Variants in NTRK3 observed in about 807,000 individuals in gnomAD.
The protein encoded by NTRK3 is neurotrophic receptor tyrosine kinase 3, also known as NT-3 growth factor receptor.
In NTRK3, 24 loss-of-function variants were observed where a neutral mutation model predicts 91.7. The ratio of observed to expected loss-of-function variants is 0.26; its 90% confidence interval spans 0.19 to 0.37. The LOEUF (loss-of-function observed/expected upper bound fraction) is 0.37, where lower values mean the gene tolerates loss of function less well. NTRK3 is among the 10% of genes least tolerant of loss of function. NTRK3 has a pLI of 1.00. For missense variants in NTRK3, 880 were observed against 1,068.9 expected (o/e 0.82, Z 2.46); for synonymous variants, 483 against 404.0 (o/e 1.20, Z -2.34).
chr15:88,005,732 C>A (rs2076439852), intron 14 of NTRK3, among the ~76,000 whole-genome samples: 1 of 152,122 alleles, frequency 6.6e-6, no homozygotes, highest in Admixed American at 6.5e-5. Context: ...CCAAAATAAG[C>A]CTGAGACCCT....
intron 13 of NTRK3, among the ~76,000 whole-genome samples, chr15:88,043,261 G>GAGTA (rs1351491988): frequency 6.6e-6 from 1 of 152,192 alleles, no homozygotes; most frequent in Non-Finnish European, 1.5e-5. Flanking sequence ...AACAGGAAGT[G>GAGTA]AGTAGTTACC....
At position 88,225,217 on chromosome 15, in the gene NTRK3, C is replaced by T. The variant is rs928681771; in HGVS notation, c.248+30689G>A. Among the ~76,000 whole-genome samples, 3 of 152,296 alleles carry T rather than the reference C, an allele frequency of 2.0e-5. No individual in the cohort carries two copies. The East Asian group carries it at 5.8e-4, about 29-fold the overall frequency. On this transcript the variant is annotated intron_variant, in intron 3 of 18. Transcript: ENST00000394480. Reference sequence around the variant, plus strand: ...GTCAAGGCACCCCAGTGGATCTCTACCCCTGTGCTGCTGGGTTTGCTTTCC... The same window carrying T: ...GTCAAGGCACCCCAGTGGATCTCTATCCCTGTGCTGCTGGGTTTGCTTTCC...
chr15:88,001,094 A>C (rs2076066623), intron 14 of NTRK3, among the ~76,000 whole-genome samples: 2 of 152,138 alleles, frequency 1.3e-5, no homozygotes, highest in Non-Finnish European at 2.9e-5. Context: ...TTCCCTAATG[A>C]CTAATTATAA....
chr15:87,920,435 G>A (rs951773874), intron 17 of NTRK3, among the ~76,000 whole-genome samples: 1 of 152,114 alleles, frequency 6.6e-6, no homozygotes, highest in African/African-American at 2.4e-5. Flanking sequence ...TCCAGTCTGT[G>A]GCCACGTCTC....
intron 13 of NTRK3, among the ~76,000 whole-genome samples, chr15:88,050,243 G>A (rs1220446589): frequency 2.0e-5 from 3 of 152,062 alleles, no homozygotes; most frequent in Non-Finnish European, 4.4e-5. Context: ...CCAGGCTATA[G>A]GGGAAAACTA....
chr15:88,055,385 G>A (rs1425062591), intron 13 of NTRK3, among the ~76,000 whole-genome samples: 1 of 152,148 alleles, frequency 6.6e-6, no homozygotes, highest in African/African-American at 2.4e-5. Flanking sequence ...CCAATTTTTG[G>A]ACTGGACTCA....
At chr15:87,919,631 C>T (rs927687098) in intron 17 of NTRK3, among the ~76,000 whole-genome samples, 1 of 152,160 alleles carries the variant, frequency 6.6e-6, no homozygotes, top group Non-Finnish European at 1.5e-5. Context: ...ATTAGATAAT[C>T]CTCATCCTTG....
At chr15:87,891,274 T>C (rs2065847834) in intron 17 of NTRK3, among the ~76,000 whole-genome samples, 1 of 152,240 alleles carries the variant, frequency 6.6e-6, no homozygotes, top group Non-Finnish European at 1.5e-5. Flanking sequence ...AAGTCATTTG[T>C]AGTAGCTCCT....
intron 5 of NTRK3, among the ~76,000 whole-genome samples, chr15:88,183,206 G>C (rs778987601): frequency 2.3e-4 from 35 of 152,084 alleles, no homozygotes; most frequent in Non-Finnish European, 4.4e-4. Flanking sequence ...TCAGCCCCTG[G>C]TCCTAGATTT....
chr15:87,924,581 T>C (rs778551000), intron 17 of NTRK3, among the ~76,000 whole-genome samples: 1 of 152,184 alleles, frequency 6.6e-6, no homozygotes, highest in Non-Finnish European at 1.5e-5. Context: ...CTCGTTTGCC[T>C]CTTCTGAACA....
chr15:88,135,470 A>C, intron 9 of NTRK3, 73 bp from the exon 10 acceptor site: 1 of 1,524,496 alleles, frequency 6.6e-7, no homozygotes, highest in Non-Finnish European at 8.9e-7. Flanking sequence ...TCCAGCAACT[A>C]AAATGGGAAT....
intron 13 of NTRK3, among the ~76,000 whole-genome samples, chr15:88,052,089 C>T (rs2080880782): frequency 6.6e-6 from 1 of 152,206 alleles, no homozygotes; most frequent in African/African-American, 2.4e-5. Flanking sequence ...TAAAGGACAA[C>T]CCTGTTAACT....
At chr15:87,957,354 C>T (rs1596400122) in intron 14 of NTRK3, among the ~76,000 whole-genome samples, 1 of 150,620 alleles carries the variant, frequency 6.6e-6, no homozygotes, top group Non-Finnish European at 1.5e-5. Context: ...TACAGTCCCA[C>T]AGCGGGAGCA....
chr15:87,994,892 T>C (rs183055355), intron 14 of NTRK3, among the ~76,000 whole-genome samples: 29 of 152,232 alleles, frequency 1.9e-4, no homozygotes, highest in African/African-American at 6.0e-4. Flanking sequence ...TATGGATCAA[T>C]AGATAGAGAT....
intron 17 of NTRK3, among the ~76,000 whole-genome samples, chr15:87,923,842 G>T (rs1447082668): frequency 1.3e-5 from 2 of 152,022 alleles, no homozygotes; most frequent in Non-Finnish European, 2.9e-5. Flanking sequence ...CACAAGAGCG[G>T]GTTTACTATA....
At chr15:88,107,816 A>C (rs1329264362) in intron 13 of NTRK3, among the ~76,000 whole-genome samples, 2 of 152,126 alleles carry the variant, frequency 1.3e-5, no homozygotes, top group Non-Finnish European at 2.9e-5. Flanking sequence ...TACTATCATC[A>C]CTAAGTCCCA....
intron 5 of NTRK3, among the ~76,000 whole-genome samples, chr15:88,170,408 C>T (rs1302045430): frequency 6.6e-6 from 1 of 152,208 alleles, no homozygotes; most frequent in Non-Finnish European, 1.5e-5. Context: ...AGTTTTCCTG[C>T]AGTCCAGTGC....
chr15:88,203,050 C>T (rs1361073857), intron 3 of NTRK3, among the ~76,000 whole-genome samples: 1 of 152,204 alleles, frequency 6.6e-6, no homozygotes, highest in Non-Finnish European at 1.5e-5. Context: ...TGAGAGCTTT[C>T]TCTGGAGTGG....
intron 13 of NTRK3, among the ~76,000 whole-genome samples, chr15:88,119,719 G>T (rs1173709352): frequency 1.3e-5 from 2 of 152,186 alleles, no homozygotes; most frequent in Non-Finnish European, 2.9e-5. Context: ...GAGGAGCAAA[G>T]AATGGACACA....
Sources: allele counts gnomAD v4.1 joint callset (sites outside exome capture counted in the v4.1 genomes callset), GRCh38; gene constraint gnomAD v4.1.1; transcripts MANE v1.5; gene names NCBI Gene and HGNC (gene_info 2026-07-23, HGNC 2026-07-21).